The following ADGRL3 variants were observed in gnomAD, a reference collection of about 807,000 sequenced individuals.
ADGRL3 encodes the protein calcium-independent alpha-latrotoxin receptor 3.
In ADGRL3, 62 loss-of-function variants were observed where a neutral mutation model predicts 153.5. The observed-to-expected ratio is 0.40, with a 90% CI of 0.33 to 0.50. The LOEUF (loss-of-function observed/expected upper bound fraction) is 0.50. ADGRL3 is among the 20% of genes least tolerant of loss of function. The probability of loss-of-function intolerance (pLI) is 0.47; values close to 1 mark genes in which losing one functional copy is unlikely to be tolerated. For synonymous variants in ADGRL3, 710 were observed against 672.5 expected (o/e 1.06, Z -0.86); for missense variants, 1,641 against 1,859.4 (o/e 0.88, Z 2.16).
At chr4:61,734,031 T>C (rs2096477108) in intron 8 of ADGRL3, among the ~76,000 whole-genome samples, 1 of 152,196 alleles carries the variant, frequency 6.6e-6, no homozygotes, top group Non-Finnish European at 1.5e-5. Flanking sequence ...TTTGGGAAGG[T>C]TGTCAGTTTG....
At chr4:61,357,324 A>T (rs909071016) in intron 1 of ADGRL3, among the ~76,000 whole-genome samples, 4 of 152,282 alleles carry the variant, frequency 2.6e-5, no homozygotes, top group Middle Eastern at 3.4e-3. Flanking sequence ...ATTATAATTT[A>T]AAAATGTAGT....
intron 1 of ADGRL3, among the ~76,000 whole-genome samples, chr4:61,237,372 A>G (rs1753242209): frequency 6.6e-6 from 1 of 152,130 alleles, no homozygotes; most frequent in Non-Finnish European, 1.5e-5. Context: ...TGGCTAACAG[A>G]GCTATGTTTG....
At chr4:61,591,363 C>A (rs557411975) in intron 5 of ADGRL3, among the ~76,000 whole-genome samples, 7 of 152,252 alleles carry the variant, frequency 4.6e-5, no homozygotes, top group African/African-American at 1.7e-4. Context: ...GTTATCACCA[C>A]AGTAAGATTC....
chr4:61,552,890 A>G (rs1185446076), intron 4 of ADGRL3, among the ~76,000 whole-genome samples: 1 of 152,144 alleles, frequency 6.6e-6, no homozygotes, highest in Non-Finnish European at 1.5e-5. Flanking sequence ...ATAGTGTCCT[A>G]TATTCAGCTT....
intron 13 of ADGRL3, among the ~76,000 whole-genome samples, chr4:61,914,385 T>A (rs1315999067): frequency 6.6e-6 from 1 of 152,120 alleles, no homozygotes; most frequent in South Asian, 2.1e-4. Flanking sequence ...ACATACAAAT[T>A]TATTTTATAT....
chr4:61,568,231 C>A (rs1183183659), intron 4 of ADGRL3, among the ~76,000 whole-genome samples: 1 of 152,074 alleles, frequency 6.6e-6, no homozygotes, highest in African/African-American at 2.4e-5. Context: ...TATCTATAAA[C>A]ATTTTTAAGG....
chr4:61,901,035 G>C (rs1017089480), intron 11 of ADGRL3, among the ~76,000 whole-genome samples: 1 of 152,078 alleles, frequency 6.6e-6, no homozygotes, highest in Non-Finnish European at 1.5e-5. Flanking sequence ...AATGCATTGT[G>C]GTTTATAATT....
At chr4:61,622,589 T>A (rs914832367) in intron 5 of ADGRL3, among the ~76,000 whole-genome samples, 4 of 152,014 alleles carry the variant, frequency 2.6e-5, no homozygotes, top group Non-Finnish European at 5.9e-5. Context: ...ATGAAGATGA[T>A]GATGAAAAAA....
chr4:61,743,975 A>T, intron 8 of ADGRL3, among the ~76,000 whole-genome samples: 1 of 152,222 alleles, frequency 6.6e-6, no homozygotes, highest in East Asian at 1.9e-4. Flanking sequence ...AAGGGGTTAC[A>T]GACAGCACCT....
intron 8 of ADGRL3, among the ~76,000 whole-genome samples, chr4:61,795,568 A>C (rs1190914158): frequency 1.3e-5 from 2 of 152,204 alleles, no homozygotes; most frequent in African/African-American, 2.4e-5. Context: ...TATATTGTAC[A>C]AGTTGTGAAA....
At chr4:61,425,174 C>G (rs557542823) in intron 2 of ADGRL3, 1 of 152,428 alleles carries the variant, frequency 6.6e-6, no homozygotes, top group African/African-American at 2.4e-5. Flanking sequence ...CCCATTGTTG[C>G]TGTATACATC....
chr4:61,899,842 A>G (rs1262910339), intron 11 of ADGRL3, among the ~76,000 whole-genome samples: 2 of 152,314 alleles, frequency 1.3e-5, no homozygotes, highest in African/African-American at 4.8e-5. Context: ...TGGAAGGGAC[A>G]GCTCTCTGGG....
intron 24 of ADGRL3, among the ~76,000 whole-genome samples, chr4:62,043,374 C>A (rs571291375): frequency 6.6e-6 from 1 of 151,970 alleles, no homozygotes; most frequent in African/African-American, 2.4e-5. Context: ...TGGCTCCCAA[C>A]ATTGTCCTTT....
intron 6 of ADGRL3, among the ~76,000 whole-genome samples, chr4:61,704,917 AC>A (rs1248590673): frequency 2.6e-5 from 4 of 152,020 alleles, no homozygotes; most frequent in African/African-American, 9.7e-5. Context: ...ACATCTTCAG[AC>A]TCCATTTTTA....
intron 1 of ADGRL3, among the ~76,000 whole-genome samples, chr4:61,265,690 A>G (rs2092808686): frequency 6.6e-6 from 1 of 151,904 alleles, no homozygotes; most frequent in Non-Finnish European, 1.5e-5. Flanking sequence ...AATAACTGAA[A>G]GTGCTGAATC....
chr4:61,548,229 T>G (rs1302660013), intron 4 of ADGRL3, among the ~76,000 whole-genome samples: 1 of 152,102 alleles, frequency 6.6e-6, no homozygotes, highest in Non-Finnish European at 1.5e-5. Context: ...ATTTGTAGGT[T>G]GTTGGTTTAC....
intron 1 of ADGRL3, among the ~76,000 whole-genome samples, chr4:61,239,366 G>C (rs1409106718): frequency 6.6e-6 from 1 of 152,146 alleles, no homozygotes; most frequent in East Asian, 1.9e-4. Flanking sequence ...TTAGCCATTA[G>C]TATTCAAAGA....
chr4:61,225,041 T>G (rs1022409021), intron 1 of ADGRL3, among the ~76,000 whole-genome samples: 3 of 152,196 alleles, frequency 2.0e-5, no homozygotes, highest in African/African-American at 4.8e-5. Flanking sequence ...TCTTTTCTGG[T>G]CTTCTCACTT....
At chr4:61,501,658 A>T (rs945957565) in intron 3 of ADGRL3, among the ~76,000 whole-genome samples, 4 of 152,180 alleles carry the variant, frequency 2.6e-5, no homozygotes, top group Admixed American at 2.6e-4. Flanking sequence ...AATTGGTTAT[A>T]TATAATTGTT....
Sources: allele counts gnomAD v4.1 joint callset (sites outside exome capture counted in the v4.1 genomes callset), GRCh38; gene constraint gnomAD v4.1.1; transcripts MANE v1.5; gene names NCBI Gene and HGNC (gene_info 2026-07-23, HGNC 2026-07-21).